NUP98: variants seen among roughly 807,000 people sequenced by gnomAD.
NUP98 encodes nucleoporin 98 and 96 precursor.
In NUP98, 26 loss-of-function variants were observed where a neutral mutation model predicts 191.9. The ratio of observed to expected loss-of-function variants is 0.14; its 90% CI spans 0.10 to 0.19. The LOEUF is 0.19. Among genes scored for constraint, NUP98 ranks in the 10% least tolerant of loss-of-function variants. NUP98 has a pLI of 1.00. For synonymous variants in NUP98, 808 were observed against 778.4 expected, an observed-to-expected ratio of 1.04 and a Z score of -0.63; for missense variants, 1,941 against 2,178.8, an observed-to-expected ratio of 0.89 and a Z score of 2.17.
rs1355643745 is a variant in NUP98 at position 3,725,111 on chromosome 11, A to G, written c.1839T>C (p.Asn613=). 1.4e-6 allele frequency: 2 copies of G among 1,469,788 alleles called. No individual in the cohort carries two copies. Among genetic ancestry groups the G allele is most frequent in the Non-Finnish European group, 1.9e-6 (2 of 1,050,196 alleles). 91.0% of individuals were successfully genotyped at this position (1,469,788 alleles called of 1,614,324 possible). Residue 613 remains asparagine, a synonymous_variant, in exon 15 of 33, where the codon AAT becomes AAC. Transcript: ENST00000324932. ...AACAGAATTCAGTGTACCTCTCTCC[A>G]TTTTCTGGATATTCAGATGGTGAAG... The part of the protein sequence containing the change: ...NLASPSEYPE[N]GERFSFLSKP...
chr11:3,792,684 C>G (rs1386675041), intron 1 of NUP98, among the ~76,000 whole-genome samples: 3 of 151,926 alleles, frequency 2.0e-5, no homozygotes, highest in African/African-American at 7.2e-5. Context: ...TCAATAATTT[C>G]AAAATCAACA....
intron 11 of NUP98, among the ~76,000 whole-genome samples, chr11:3,748,679 G>T (rs1246739786): frequency 6.6e-6 from 1 of 151,864 alleles, no homozygotes; most frequent in Non-Finnish European, 1.5e-5. Flanking sequence ...AAAAAGAAAA[G>T]CCTTCCTTAA....
At chr11:3,697,878 T>C (rs1449970025) in intron 25 of NUP98, among the ~76,000 whole-genome samples, 1 of 150,836 alleles carries the variant, frequency 6.6e-6, no homozygotes, top group Non-Finnish European at 1.5e-5. Flanking sequence ...AAGTACTTGC[T>C]GAATTGCCTC....
At chr11:3,697,711 G>A (rs2078552275) in intron 25 of NUP98, among the ~76,000 whole-genome samples, 1 of 151,488 alleles carries the variant, frequency 6.6e-6, no homozygotes, top group Non-Finnish European at 1.5e-5. Flanking sequence ...AGCTACTCAG[G>A]AGGCTGAGGC....
intron 9 of NUP98, among the ~76,000 whole-genome samples, chr11:3,761,689 C>CTGCTTG (rs2081175253): frequency 2.6e-5 from 4 of 151,984 alleles, no homozygotes; most frequent in Non-Finnish European, 5.9e-5. Context: ...ACCCGGGAGG[C>CTGCTTG]AGAGGTTGCA....
At chr11:3,785,072 A>G (rs1445529776) in intron 1 of NUP98, among the ~76,000 whole-genome samples, 2 of 150,718 alleles carry the variant, frequency 1.3e-5, no homozygotes, top group African/African-American at 4.9e-5. Context: ...CCAGAGGTGG[A>G]GCCTGCAGTG....
chr11:3,763,027 C>G lies in NUP98; in HGVS notation c.961G>C (p.Val321Leu). The change falls in exon 9 of 33, where the codon GTA becomes CTA. Residue 321 changes from valine (V) to leucine (L), a missense_variant. This residue lies in a region of NUP98 where 181 missense variants were observed against 228.0 expected (regional missense o/e 0.79). Transcript: ENST00000324932. ...CCTCCAGGCTGTGAGGCTTGGGTTA[C>G]TCCAAATAATCCCTGCAAAGAAGTT... is the stretch of plus-strand genomic sequence containing the variant. ...PSTNTMGLFGVTQASQPGGLF... is the reference protein window; with the variant it reads ...PSTNTMGLFGLTQASQPGGLF... The G allele has an allele frequency of 1.9e-6, 3 of 1,613,932 alleles. No homozygotes were observed. Among genetic ancestry groups the G allele is most frequent in the Non-Finnish European group, 2.5e-6 (3 of 1,179,956 alleles).
intron 11 of NUP98, 64 bp from the exon 12 acceptor site, chr11:3,744,713 C>A: frequency 6.5e-7 from 1 of 1,533,210 alleles, no homozygotes; most frequent in South Asian, 1.2e-5. Context: ...TGCCAGAGGT[C>A]AGTTACTTAA....
chr11:3,758,353 A>G (rs2081050596), intron 10 of NUP98, among the ~76,000 whole-genome samples: 1 of 151,998 alleles, frequency 6.6e-6, no homozygotes, highest in African/African-American at 2.4e-5. Context: ...AAGAAAAAAC[A>G]GTCCCATTAC....
intron 30 of NUP98, 85 bp from the exon 31 acceptor site, chr11:3,679,793 G>A (rs2077932418): frequency 2.2e-6 from 3 of 1,346,494 alleles, no homozygotes; most frequent in East Asian, 2.3e-5. Flanking sequence ...AGACAGAAAG[G>A]AAGGAGAAAT....
intron 28 of NUP98, among the ~76,000 whole-genome samples, chr11:3,686,573 T>G (rs1024299661): frequency 1.1e-4 from 16 of 152,176 alleles, no homozygotes; most frequent in Admixed American, 9.8e-4. Context: ...TTTCTGGTAT[T>G]TTGAAGTATC....
intron 20 of NUP98, among the ~76,000 whole-genome samples, chr11:3,708,679 G>T (rs1469331060): frequency 6.9e-6 from 1 of 144,654 alleles, no homozygotes; most frequent in Non-Finnish European, 1.5e-5. Context: ...TATCTTGGCA[G>T]ATCAGGTACC....
chr11:3,744,403 T>C (rs1249683198), intron 12 of NUP98, 106 bp downstream of exon 12: 12 of 1,112,366 alleles, frequency 1.1e-5, no homozygotes, highest in African/African-American at 3.1e-5. Flanking sequence ...ATGACATGCA[T>C]GTATGCAATG....
At chr11:3,700,522 T>C in intron 24 of NUP98, 88 bp downstream of exon 24, 1 of 855,244 alleles carries the variant, frequency 1.2e-6, no homozygotes, top group South Asian at 1.8e-5. Flanking sequence ...CCTACTAGAC[T>C]GGTGCCAGGA....
chr11:3,710,132 A>G (rs1590004447), intron 20 of NUP98, among the ~76,000 whole-genome samples: 1 of 152,196 alleles, frequency 6.6e-6, no homozygotes, highest in Admixed American at 6.5e-5. Flanking sequence ...TTAAAATATA[A>G]ATATGCCTGA....
chr11:3,694,778 G>A (rs2078448793), intron 26 of NUP98, among the ~76,000 whole-genome samples: 1 of 151,918 alleles, frequency 6.6e-6, no homozygotes, highest in Admixed American at 6.6e-5. Context: ...GGCTGATGCA[G>A]TGGCTCATGC....
intron 1 of NUP98, among the ~76,000 whole-genome samples, chr11:3,784,585 CA>C (rs764056338): frequency 4.3e-5 from 6 of 139,138 alleles, no homozygotes; most frequent in African/African-American, 1.0e-4. Context: ...CTATTAAAAA[CA>C]AAAAAAAAAC....
intron 8 of NUP98, among the ~76,000 whole-genome samples, chr11:3,764,085 A>AC (rs2081262068): frequency 2.0e-5 from 3 of 150,962 alleles, no homozygotes; most frequent in African/African-American, 4.9e-5. Context: ...AAATTCTTAC[A>AC]CCCCCCAAAG....
rs879249624 is a variant in NUP98 at position 3,699,407 on chromosome 11, G to A, written c.3743-59C>T. On this transcript the variant is annotated intron_variant, in intron 24 of 32. Coordinates refer to ENST00000324932, the MANE Select transcript of NUP98 (RefSeq NM_016320.5). The stretch of plus-strand genomic sequence containing the variant: ...CAAAGTCTTACAACAACTTCACAGA[G>A]GGCATCCTTCTAACTGTGATGTTAA... The A allele has an allele frequency of 1.9e-5, 30 of 1,568,576 alleles. No individual in the cohort carries two copies. In the South Asian group the frequency reaches 2.9e-4, roughly 15 times the overall value.
Sources: gnomAD v4.1 joint callset for allele counts (sites outside exome capture counted in the v4.1 genomes callset) on GRCh38, gnomAD v4.1.1 for gene constraint, gnomAD v4.1.1 regional missense constraint, MANE v1.5 for transcripts, NCBI Gene and HGNC (gene_info 2026-07-23, HGNC 2026-07-21) for gene names.